RFPL1: variants seen among roughly 807,000 people sequenced by gnomAD.
RFPL1 encodes the protein ret finger protein-like 1.
RFPL1 carries 6 observed loss-of-function variants against 9.6 expected under a neutral mutation model. The observed-to-expected ratio is 0.62, with a 90% CI of 0.34 to 1.23. The LOEUF is 1.23. Ranked by LOEUF, RFPL1 falls within the 50% of genes most tolerant of loss-of-function variation. The probability of loss-of-function intolerance (pLI) is 0.03; values close to 1 mark genes in which losing one functional copy is unlikely to be tolerated. For synonymous variants in RFPL1, 145 were observed against 149.4 expected, an observed-to-expected ratio of 0.97 and a Z score of 0.22; for missense variants, 352 against 398.4, an observed-to-expected ratio of 0.88 and a Z score of 0.99.
At chr22:29,431,187 T>C in the RFPL1 span, among the ~76,000 whole-genome samples, 1 of 152,116 alleles carries the variant, frequency 6.6e-6, no homozygotes, top group Non-Finnish European at 1.5e-5. Flanking sequence ...CAGGCTTATG[T>C]AGTTTTTCTC....
At chr22:29,413,490 T>G in the RFPL1 span, among the ~76,000 whole-genome samples, 1 of 152,238 alleles carries the variant, frequency 6.6e-6, no homozygotes, top group Admixed American at 6.5e-5. Context: ...TAGTCCTTGG[T>G]GCCTTCTTAC....
At chr22:29,397,686 C>G in the RFPL1 span, among the ~76,000 whole-genome samples, 8 of 152,174 alleles carry the variant, frequency 5.3e-5, no homozygotes, top group African/African-American at 1.7e-4. Context: ...TGAGTGTTAA[C>G]CCCCATTCTC....
chr22:29,406,937 A>G, the RFPL1 span, among the ~76,000 whole-genome samples: 2 of 152,224 alleles, frequency 1.3e-5, no homozygotes, highest in African/African-American at 4.8e-5. Flanking sequence ...TTATTCATTC[A>G]GTGCTCCATA....
the RFPL1 span, among the ~76,000 whole-genome samples, chr22:29,389,614 A>G: frequency 6.9e-6 from 1 of 145,718 alleles, no homozygotes; most frequent in African/African-American, 2.5e-5. Context: ...TGAACCCGGG[A>G]GGCAGAGCTT....
chr22:29,440,985 T>A (rs2062835885), intron 1 of RFPL1: 1 of 153,320 alleles, frequency 6.5e-6, no homozygotes, highest in African/African-American at 2.4e-5. Flanking sequence ...AAGGCCCCCC[T>A]CTTCCTCCTG....
At chr22:29,397,023 C>T in the RFPL1 span, among the ~76,000 whole-genome samples, 1 of 150,686 alleles carries the variant, frequency 6.6e-6, no homozygotes, top group South Asian at 2.1e-4. Context: ...TCTCCTGCCT[C>T]AGTCCTCCCG....
the RFPL1 span, among the ~76,000 whole-genome samples, chr22:29,429,600 C>A: frequency 3.9e-5 from 6 of 151,978 alleles, no homozygotes; most frequent in Non-Finnish European, 5.9e-5. Flanking sequence ...TATAACCTAC[C>A]AAGATTGAAT....
chr22:29,436,111 A>G (rs174715), upstream of RFPL1, among the ~76,000 whole-genome samples: 122,085 of 151,318 alleles, frequency 0.81, 49,415 homozygotes, highest in South Asian at 0.86. Context: ...TAGATGGGAG[A>G]AATGGGCTTT....
At chr22:29,428,480 A>G in the RFPL1 span, among the ~76,000 whole-genome samples, 2,738 of 152,324 alleles carry the variant, frequency 0.018, 70 homozygotes, top group African/African-American at 0.062. Flanking sequence ...AATGTAAAAT[A>G]AGTCAGATTG....
chr22:29,420,365 C>G, the RFPL1 span, among the ~76,000 whole-genome samples: 1 of 152,192 alleles, frequency 6.6e-6, no homozygotes, highest in Non-Finnish European at 1.5e-5. Context: ...GAGTCTCGCT[C>G]TGTCACCCAG....
chr22:29,417,785 A>C, the RFPL1 span, among the ~76,000 whole-genome samples: 1 of 152,004 alleles, frequency 6.6e-6, no homozygotes, highest in Non-Finnish European at 1.5e-5. Flanking sequence ...AGATTTTACA[A>C]TCTGGTGAGC....
At chr22:29,426,753 A>C in the RFPL1 span, among the ~76,000 whole-genome samples, 8 of 152,216 alleles carry the variant, frequency 5.3e-5, no homozygotes, top group South Asian at 1.4e-3. Context: ...TATCAAAAAA[A>C]AAAAAGTTAT....
the RFPL1 span, among the ~76,000 whole-genome samples, chr22:29,410,285 T>TATATATGTTGATATATATCTATATATAG: frequency 1.0e-5 from 1 of 97,682 alleles, no homozygotes; most frequent in South Asian, 4.4e-4. Flanking sequence ...TATATAGATC[T>TATATATGTTGATATATATCTATATATAG]ATATATATGT....
At chr22:29,437,927 C>T, upstream of RFPL1, 4 of 457,152 alleles carry the variant, frequency 8.7e-6, no homozygotes, top group South Asian at 5.6e-5. Context: ...ATTTGGTATT[C>T]ATTTCCAAGG....
chr22:29,393,107 G>A, the RFPL1 span, among the ~76,000 whole-genome samples: 17 of 152,310 alleles, frequency 1.1e-4, no homozygotes, highest in East Asian at 2.5e-3. Context: ...ACCAAATTCA[G>A]CCTGGGAAAG....
the RFPL1 span, among the ~76,000 whole-genome samples, chr22:29,429,086 C>T: frequency 0.15 from 22,610 of 152,050 alleles, 3,854 homozygotes; most frequent in African/African-American, 0.38. Flanking sequence ...GATAGGGTCT[C>T]GCTCTGTCAC....
the RFPL1 span, among the ~76,000 whole-genome samples, chr22:29,420,610 T>A: frequency 1.4e-5 from 2 of 138,246 alleles, no homozygotes; most frequent in Non-Finnish European, 3.0e-5. Context: ...ATTACAGGCA[T>A]GAGCCACTGC....
At position 29,441,661 on chromosome 22, in the gene RFPL1, G is replaced by A. The variant is rs780195784; in HGVS notation, c.493G>A (p.Val165Met). The change falls in exon 2 of 2, where the codon GTG becomes ATG. Residue 165 changes from valine (V) to methionine (M), a missense_variant. Coordinates refer to ENST00000354373, the Ensembl canonical transcript of RFPL1. ...GCAAGACCTTGCCGAGAGATTTGAC[G>A]TGTCCATTTGCATCCTGGGCTCCCC... 4.8e-5 allele frequency: 77 copies of A among 1,613,784 alleles called. No homozygotes were observed. Among genetic ancestry groups the A allele is most frequent in the East Asian group, 1.1e-4 (5 of 44,890 alleles).
At chr22:29,418,823 C>T in the RFPL1 span, among the ~76,000 whole-genome samples, 3 of 152,154 alleles carry the variant, frequency 2.0e-5, no homozygotes, top group African/African-American at 7.2e-5. Flanking sequence ...TTTTAAAAAC[C>T]AGAAGACCTG....
Sources: gnomAD v4.1 joint callset for allele counts (sites outside exome capture counted in the v4.1 genomes callset) on GRCh38, gnomAD v4.1.1 for gene constraint, MANE v1.5 for transcripts, NCBI Gene and HGNC (gene_info 2026-07-23, HGNC 2026-07-21) for gene names.